RAPGEF6: variants seen among roughly 807,000 people sequenced by gnomAD.
RAPGEF6 encodes the protein PDZ domain containing guanine nucleotide exchange factor (GEF) 2.
In RAPGEF6, 56 loss-of-function variants were observed where a neutral mutation model predicts 171.4. The observed-to-expected ratio is 0.33, with a 90% CI of 0.26 to 0.41. The LOEUF is 0.41. RAPGEF6 is among the 10% of genes least tolerant of loss of function. RAPGEF6 has a pLI of 1.00. For synonymous variants in RAPGEF6, 692 were observed against 650.1 expected (o/e 1.06, Z -0.98); for missense variants, 1,674 against 1,921.4 (o/e 0.87, Z 2.41).
chr5:131,430,680 T>TG, intron 26 of RAPGEF6, 179 bp downstream of exon 26: 1 of 861,152 alleles, frequency 1.2e-6, no homozygotes, highest in Non-Finnish European at 2.0e-6. Context: ...GTTGAATAGC[T>TG]GCTCCAAAGT....
chr5:131,550,851 C>T (rs1484062123), intron 5 of RAPGEF6, among the ~76,000 whole-genome samples: 1 of 152,174 alleles, frequency 6.6e-6, no homozygotes, highest in Non-Finnish European at 1.5e-5. Flanking sequence ...TATTGGCCTC[C>T]TACTTACATC....
intron 1 of RAPGEF6, among the ~76,000 whole-genome samples, chr5:131,618,672 C>A (rs956510027): frequency 1.9e-4 from 29 of 152,206 alleles, no homozygotes; most frequent in African/African-American, 6.0e-4. Context: ...CACTTTGTAA[C>A]AGCAAAGTAA....
rs948553245 is a variant in RAPGEF6 at position 131,426,788 on chromosome 5, T to C, written c.*478A>G. On this transcript the variant is annotated 3_prime_UTR_variant, in exon 28 of 28. Coordinates refer to ENST00000509018, the MANE Select transcript of RAPGEF6 (RefSeq NM_016340.6). The stretch of plus-strand genomic sequence containing the variant: ...AACATGAATATCAGCTAACAAGAGC[T>C]CTCAAATACAAACAAAACCACAACA... 2 of 179,040 alleles carry C rather than the reference T, an allele frequency of 1.1e-5. No individual in the cohort carries two copies. Among genetic ancestry groups the C allele is most frequent in the Non-Finnish European group, 2.3e-5 (2 of 86,254 alleles). 11.1% of individuals were successfully genotyped at this position (179,040 alleles called of 1,614,324 possible).
At chr5:131,503,075 T>C (rs1757129488) in intron 11 of RAPGEF6, among the ~76,000 whole-genome samples, 1 of 152,204 alleles carries the variant, frequency 6.6e-6, no homozygotes, top group African/African-American at 2.4e-5. Flanking sequence ...AGTGCTGGGA[T>C]TACAGGCATG....
At chr5:131,443,261 A>G (rs909103996) in intron 22 of RAPGEF6, among the ~76,000 whole-genome samples, 1 of 151,848 alleles carries the variant, frequency 6.6e-6, no homozygotes, top group African/African-American at 2.4e-5. Flanking sequence ...TATTTTTAGT[A>G]GAGATGGAGT....
At chr5:131,628,005 A>G (rs1766050975) in intron 1 of RAPGEF6, among the ~76,000 whole-genome samples, 1 of 152,152 alleles carries the variant, frequency 6.6e-6, no homozygotes, top group Non-Finnish European at 1.5e-5. Context: ...TGGCTGTTCC[A>G]CCTTCTCTAT....
chr5:131,620,834 T>C (rs1279655804), intron 1 of RAPGEF6, among the ~76,000 whole-genome samples: 1 of 152,206 alleles, frequency 6.6e-6, no homozygotes. Flanking sequence ...TCAAGTGATC[T>C]GCCCACCTCG....
At chr5:131,521,195 A>G (rs1437974160) in intron 7 of RAPGEF6, among the ~76,000 whole-genome samples, 195 bp downstream of exon 7, 1 of 152,226 alleles carries the variant, frequency 6.6e-6, no homozygotes, top group African/African-American at 2.4e-5. Context: ...AACCATACTT[A>G]ATCATTCTCA....
chr5:131,460,145 A>G (rs1282021676), intron 19 of RAPGEF6, among the ~76,000 whole-genome samples: 1 of 152,194 alleles, frequency 6.6e-6, no homozygotes, highest in Non-Finnish European at 1.5e-5. Flanking sequence ...TCTTTGTAAC[A>G]AAACAAATCT....
chr5:131,447,912 G>A (rs539972701), intron 21 of RAPGEF6, among the ~76,000 whole-genome samples: 94 of 152,296 alleles, frequency 6.2e-4, no homozygotes, highest in South Asian at 2.7e-3. Context: ...TACATCTGCA[G>A]AGACCTCAAA....
chr5:131,527,309 A>C lies in RAPGEF6; in HGVS notation c.496-5788T>G, dbSNP rs535554062. On this transcript the variant is annotated intron_variant, in intron 6 of 27. Coordinates refer to ENST00000509018, the MANE Select transcript of RAPGEF6 (RefSeq NM_016340.6). ...AACAAAACAACAACAACAACAAAAAAAAACAGCTGGAAGAGAATGTTAACC... is the reference window on the plus strand; with the variant it reads ...AACAAAACAACAACAACAACAAAAACAAACAGCTGGAAGAGAATGTTAACC... 3.9e-5 allele frequency among the ~76,000 whole-genome samples: 6 copies of C among 152,120 alleles called. No individual in the cohort carries two copies. In the East Asian group the frequency reaches 5.8e-4, roughly 15 times the overall value.
At chr5:131,452,647 TA>T (rs1753178148) in intron 21 of RAPGEF6, among the ~76,000 whole-genome samples, 1 of 151,422 alleles carries the variant, frequency 6.6e-6, no homozygotes. Flanking sequence ...TTTTTTTTTT[TA>T]GTAGAGACAG....
rs148512775 is a variant in RAPGEF6 at position 131,520,276 on chromosome 5, A to C, written c.627+1114T>G. Among the ~76,000 whole-genome samples, 569 of 152,320 alleles carry C rather than the reference A, an allele frequency of 3.7e-3. 4 individuals are homozygous for C. The highest frequency in any genetic ancestry group is 0.013 in the African/African-American group (539 of 41,568). ...TAGCCACTAGCCGTATGTGGTTATT[A>C]GGCACTTAAAACATGGCTAGTCCAA... is the stretch of plus-strand genomic sequence containing the variant. On this transcript the variant is annotated intron_variant, in intron 7 of 27. Transcript: ENST00000509018.
chr5:131,530,141 G>GAA (rs570777912), intron 6 of RAPGEF6, among the ~76,000 whole-genome samples: 1 of 93,854 alleles, frequency 1.1e-5, no homozygotes. Flanking sequence ...CATCTCTTAA[G>GAA]AAAAAAAAAA....
intron 23 of RAPGEF6, chr5:131,440,078 G>A (rs1752279005): frequency 2.6e-6 from 1 of 386,064 alleles, no homozygotes; most frequent in South Asian, 2.0e-5. Context: ...CCCCTCTAGA[G>A]GTGGCCTCTC....
rs530995895 is a variant in RAPGEF6 at position 131,480,320 on chromosome 5, T to G, written c.1841-567A>C. Among the ~76,000 whole-genome samples, 17 of 152,066 alleles carry G rather than the reference T, an allele frequency of 1.1e-4. No homozygotes were observed. The East Asian group carries it at 1.9e-3, about 17-fold the overall frequency. On this transcript the variant is annotated intron_variant, in intron 15 of 27. Coordinates refer to ENST00000509018, the MANE Select transcript of RAPGEF6 (RefSeq NM_016340.6). ...AATTTGGGTGTACATGGGGTGGAGG[T>G]CCTGTAACCAACCCTATGCATATAC...
intron 6 of RAPGEF6, chr5:131,533,153 C>T: frequency 7.1e-6 from 1 of 141,230 alleles, no homozygotes; most frequent in Non-Finnish European, 1.5e-5. Context: ...GCCCCAAGAG[C>T]AATTTATTGA....
At chr5:131,521,871 ACACACACACACACACACACACTCT>A (rs1245177106) in intron 6 of RAPGEF6, among the ~76,000 whole-genome samples, 6 of 122,904 alleles carry the variant, frequency 4.9e-5, no homozygotes, top group South Asian at 2.6e-4. Flanking sequence ...ACACACACAC[ACACACACACACACACACACACTCT>A]CTCTCTCTCT....
intron 1 of RAPGEF6, among the ~76,000 whole-genome samples, chr5:131,615,618 C>A (rs544913287): frequency 6.6e-6 from 1 of 152,026 alleles, no homozygotes; most frequent in East Asian, 1.9e-4. Flanking sequence ...AGAGGGAAGT[C>A]GGCTGGGTAC....
Sources: gnomAD v4.1 joint callset for allele counts (sites outside exome capture counted in the v4.1 genomes callset) on GRCh38, gnomAD v4.1.1 for gene constraint, MANE v1.5 for transcripts, NCBI Gene and HGNC (gene_info 2026-07-23, HGNC 2026-07-21) for gene names.